Variants in CCBE1 observed in about 807,000 individuals in gnomAD.
The protein encoded by CCBE1 is collagen and calcium-binding EGF domain-containing protein 1.
CCBE1 carries 37 observed loss-of-function variants against 50.0 expected under a neutral mutation model. The observed-to-expected ratio is 0.74, with a 90% CI of 0.57 to 0.97. CCBE1 has a LOEUF of 0.97. Among genes scored for constraint, CCBE1 ranks in the 50% least tolerant of loss-of-function variants. The pLI is 0.00. For synonymous variants in CCBE1, 234 were observed against 203.7 expected (o/e 1.15, Z -1.27); for missense variants, 538 against 523.8 (o/e 1.03, Z -0.26).
intron 2 of CCBE1, among the ~76,000 whole-genome samples, chr18:59,646,217 G>A (rs937456148): frequency 7.2e-5 from 11 of 152,124 alleles, no homozygotes; most frequent in Non-Finnish European, 1.2e-4. Context: ...AGGAAACTAC[G>A]CATGGAAAAT....
intron 2 of CCBE1, among the ~76,000 whole-genome samples, chr18:59,631,517 G>A (rs1409774896): frequency 3.3e-5 from 5 of 152,162 alleles, no homozygotes; most frequent in Non-Finnish European, 5.9e-5. Flanking sequence ...CTTATGGAAT[G>A]AGCCTCTAAT....
intron 3 of CCBE1, among the ~76,000 whole-genome samples, chr18:59,477,618 G>A (rs1410330941): frequency 6.6e-6 from 1 of 151,428 alleles, no homozygotes; most frequent in Non-Finnish European, 1.5e-5. Context: ...CTTATCATAT[G>A]TCATAAGATG....
intron 2 of CCBE1, among the ~76,000 whole-genome samples, chr18:59,546,920 T>G (rs1189349456): frequency 1.3e-5 from 2 of 151,744 alleles, no homozygotes; most frequent in African/African-American, 2.4e-5. Context: ...TAAAACAGAT[T>G]AAAAGAAGAA....
At chr18:59,609,368 G>A (rs1320546471) in intron 2 of CCBE1, among the ~76,000 whole-genome samples, 1 of 152,190 alleles carries the variant, frequency 6.6e-6, no homozygotes, top group Non-Finnish European at 1.5e-5. Context: ...GTCAAACTTA[G>A]TAGGTCCAAA....
intron 2 of CCBE1, among the ~76,000 whole-genome samples, chr18:59,620,094 G>A (rs1192938266): frequency 6.6e-6 from 1 of 152,202 alleles, no homozygotes; most frequent in Non-Finnish European, 1.5e-5. Flanking sequence ...GAAGAGGAGG[G>A]AGAGAGGGGA....
intron 2 of CCBE1, among the ~76,000 whole-genome samples, chr18:59,611,722 G>C (rs532616355): frequency 1.5e-4 from 23 of 152,102 alleles, no homozygotes; most frequent in African/African-American, 5.1e-4. Context: ...CTCCAGCATG[G>C]GCAACAGAGT....
intron 2 of CCBE1, among the ~76,000 whole-genome samples, chr18:59,520,146 G>T (rs1290154988): frequency 6.6e-6 from 1 of 152,108 alleles, no homozygotes; most frequent in Non-Finnish European, 1.5e-5. Context: ...GGATTGTCTT[G>T]GCTATACAGG....
At chr18:59,497,960 C>T (rs1913433878) in intron 2 of CCBE1, among the ~76,000 whole-genome samples, 1 of 152,224 alleles carries the variant, frequency 6.6e-6, no homozygotes, top group Admixed American at 6.5e-5. Context: ...GTGGATCATG[C>T]TGGCTGACTG....
intron 2 of CCBE1, among the ~76,000 whole-genome samples, chr18:59,547,082 A>AGGGAGAGAGAGGGAAAGAGG (rs1555690944): frequency 4.3e-4 from 36 of 82,784 alleles, no homozygotes; most frequent in Non-Finnish European, 8.3e-4. Flanking sequence ...GGGGAGAGAA[A>AGGGAGAGAGAGGGAAAGAGG]GGGAGAGAGA....
chr18:59,500,459 G>A (rs1913565455), intron 2 of CCBE1, among the ~76,000 whole-genome samples: 1 of 152,160 alleles, frequency 6.6e-6, no homozygotes, highest in Non-Finnish European at 1.5e-5. Context: ...TGTGGGCCAT[G>A]CTCTCCTGGG....
chr18:59,560,620 G>C (rs1013862325), intron 2 of CCBE1, among the ~76,000 whole-genome samples: 1 of 152,132 alleles, frequency 6.6e-6, no homozygotes, highest in Non-Finnish European at 1.5e-5. Flanking sequence ...AAGAAAAAAA[G>C]ACCTACATGG....
chr18:59,477,817 C>A (rs1470125612), intron 3 of CCBE1, among the ~76,000 whole-genome samples: 1 of 152,036 alleles, frequency 6.6e-6, no homozygotes, highest in Non-Finnish European at 1.5e-5. Context: ...TTTGTTATTG[C>A]CTTTATCTGG....
chr18:59,451,697 A>T (rs1424343100), intron 6 of CCBE1, among the ~76,000 whole-genome samples: 9 of 152,204 alleles, frequency 5.9e-5, no homozygotes, highest in Non-Finnish European at 1.3e-4. Flanking sequence ...ACAAATATAT[A>T]ACTTAGCAAA....
chr18:59,530,943 A>G (rs945562885), intron 2 of CCBE1, among the ~76,000 whole-genome samples: 6 of 152,212 alleles, frequency 3.9e-5, no homozygotes, highest in African/African-American at 1.4e-4. Context: ...TTTCAAATAT[A>G]ATATTTAATA....
intron 2 of CCBE1, among the ~76,000 whole-genome samples, chr18:59,558,668 C>T (rs557712896): frequency 6.6e-6 from 1 of 152,242 alleles, no homozygotes; most frequent in South Asian, 2.1e-4. Context: ...TGCTGGTGCC[C>T]AGAGAACGAG....
rs370382413 is a variant in CCBE1, at chr18:59,485,570, G to A, written c.213-5332C>T. Among the ~76,000 whole-genome samples the A allele has an allele frequency of 1.2e-4, 17 of 142,070 alleles. No homozygotes were observed. The East Asian group carries it at 1.2e-3, about 10-fold the overall frequency. The allele number at this position is 142,070 out of a possible 152,430, so 93.2% of individuals were successfully genotyped here. On this transcript the variant is annotated intron_variant, in intron 2 of 10. Transcript: ENST00000439986. ...TCCTTGCATGGCTGCTTATTCATGC[G>A]CCAGATATATCAGATATTTATTTAT...
intron 2 of CCBE1, among the ~76,000 whole-genome samples, chr18:59,567,425 C>T (rs538128945): frequency 6.6e-5 from 10 of 152,194 alleles, no homozygotes; most frequent in African/African-American, 1.4e-4. Flanking sequence ...TGAGCCACTG[C>T]GCCTGGCTGC....
At chr18:59,557,635 G>T (rs2052672559) in intron 2 of CCBE1, among the ~76,000 whole-genome samples, 1 of 152,126 alleles carries the variant, frequency 6.6e-6, no homozygotes, top group Admixed American at 6.5e-5. Context: ...GCCTCTGTTT[G>T]ATCATAGGCC....
intron 2 of CCBE1, among the ~76,000 whole-genome samples, chr18:59,566,019 C>A (rs528779240): frequency 1.0e-3 from 152 of 152,248 alleles, no homozygotes; most frequent in African/African-American, 3.5e-3. Flanking sequence ...AAGCTCACTG[C>A]AGTAGGCTCT....
Sources: gnomAD v4.1 joint callset for allele counts (sites outside exome capture counted in the v4.1 genomes callset) on GRCh38, gnomAD v4.1.1 for gene constraint, MANE v1.5 for transcripts, NCBI Gene and HGNC (gene_info 2026-07-23, HGNC 2026-07-21) for gene names.